Variants in CCND3 observed in about 807,000 individuals in gnomAD.
CCND3 encodes cyclin D3, also known as G1/S-specific cyclin-D3.
CCND3 carries 9 observed loss-of-function variants against 28.7 expected under a neutral mutation model. The ratio of observed to expected loss-of-function variants is 0.31; its 90% CI spans 0.19 to 0.55. The LOEUF (loss-of-function observed/expected upper bound fraction) is 0.55. CCND3 is among the 20% of genes least tolerant of loss of function. The pLI, the probability that CCND3 is intolerant of heterozygous loss-of-function variation, is 0.93. For synonymous variants in CCND3, 164 were observed against 163.9 expected, an observed-to-expected ratio of 1.00 and a Z score of 0.00; for missense variants, 315 against 385.8, an observed-to-expected ratio of 0.82 and a Z score of 1.54.
In CCND3 at chr6:42,003,061, C is replaced by T. The variant is rs1425549985; in HGVS notation, c.-46+45440G>A. 3.3e-5 allele frequency among the ~76,000 whole-genome samples: 5 copies of T among 150,154 alleles called. No homozygotes were observed. The South Asian group carries it at 6.3e-4, about 19-fold the overall frequency. On this transcript the variant is annotated intron_variant, in intron 1 of 4. Coordinates refer to the CCND3 transcript ENST00000372988. ...CCTGTAATCCCAGCTACTTGGGAGG[C>T]TGAGGCAGGAGAATCACTTGAACCT... is the stretch of plus-strand genomic sequence containing the variant.
chr6:42,049,142 T>G (rs1764647793), upstream of CCND3, among the ~76,000 whole-genome samples: 1 of 152,174 alleles, frequency 6.6e-6, no homozygotes, highest in South Asian at 2.1e-4. Flanking sequence ...TTCAAGCTAT[T>G]CTCCTGCCTC....
At chr6:42,043,604 G>A (rs1216960063) in intron 1 of CCND3, among the ~76,000 whole-genome samples, 2 of 151,706 alleles carry the variant, frequency 1.3e-5, no homozygotes, top group African/African-American at 4.8e-5. Context: ...AGGCTGAGAT[G>A]GGGAGATCAA....
chr6:42,034,482 T>TG (rs1764143143), intron 1 of CCND3, among the ~76,000 whole-genome samples: 2 of 125,502 alleles, frequency 1.6e-5, no homozygotes, highest in South Asian at 5.8e-4. Context: ...TTTTTTTTTT[T>TG]TTTTTTTTTT....
At chr6:41,958,991 C>A (rs1029179972) in intron 1 of CCND3, among the ~76,000 whole-genome samples, 1 of 152,192 alleles carries the variant, frequency 6.6e-6, no homozygotes, top group South Asian at 2.1e-4. Context: ...AAAATAAAAA[C>A]GTACATCCAC....
intron 1 of CCND3, among the ~76,000 whole-genome samples, chr6:41,997,038 G>A (rs1448481304): frequency 6.6e-6 from 1 of 152,060 alleles, no homozygotes; most frequent in African/African-American, 2.4e-5. Context: ...ATTATCAAAT[G>A]TCCCTGCCAC....
At chr6:41,973,773 TG>T (rs1012555116) in intron 1 of CCND3, among the ~76,000 whole-genome samples, 4 of 152,254 alleles carry the variant, frequency 2.6e-5, no homozygotes, top group African/African-American at 9.6e-5. Flanking sequence ...TGTACAATCA[TG>T]GACAGTTAAT....
intron 1 of CCND3, among the ~76,000 whole-genome samples, chr6:41,966,066 T>A (rs1305766831): frequency 6.6e-6 from 1 of 152,184 alleles, no homozygotes; most frequent in Non-Finnish European, 1.5e-5. Context: ...AACCTCAGTG[T>A]TCCTGCCTGT....
In CCND3 at chr6:41,935,047, T is replaced by C; in HGVS notation, c.*893A>G. On this transcript the variant is annotated 3_prime_UTR_variant, in exon 5 of 5. Transcript: ENST00000372991. ...TAGGAAAGACCTGTGTCAACAGGGC[T>C]TGCCTCCCTCTCTAGACAGGGGCTC... is the stretch of plus-strand genomic sequence containing the variant. The C allele has an allele frequency of 4.3e-6, 1 of 233,234 alleles. No homozygotes were observed. Among genetic ancestry groups the C allele is most frequent in the Non-Finnish European group, 8.5e-6 (1 of 118,028 alleles). 14.4% of individuals were successfully genotyped at this position (233,234 alleles called of 1,614,324 possible). A position where few individuals can be genotyped will look rare whatever the true frequency, so the allele number is the denominator to read the frequency against.
chr6:41,991,076 A>C (rs1319129486), intron 1 of CCND3, among the ~76,000 whole-genome samples: 1 of 147,658 alleles, frequency 6.8e-6, no homozygotes, highest in East Asian at 2.0e-4. Flanking sequence ...TTTTTTTTTT[A>C]AGGCGGAATT....
At position 41,998,570 on chromosome 6, in the gene CCND3, C is replaced by T. The variant is rs564331490; in HGVS notation, c.-46+49931G>A. 5.9e-5 allele frequency among the ~76,000 whole-genome samples: 9 copies of T among 151,876 alleles called. No individual in the cohort carries two copies. In the South Asian group the frequency reaches 1.2e-3, roughly 21 times the overall value. On this transcript the variant is annotated intron_variant, in intron 1 of 4. Transcript: ENST00000372988. ...CTCGAACTCCTGACCTCAGGTGATC[C>T]GCCTGCCTCGGTCTCCTAAAGTGCT...
intron 1 of CCND3, among the ~76,000 whole-genome samples, chr6:41,950,512 A>G (rs1317748026): frequency 6.6e-6 from 1 of 152,066 alleles, no homozygotes; most frequent in Non-Finnish European, 1.5e-5. Context: ...AACAACTCCT[A>G]TTTCATATGG....
chr6:41,997,516 A>G (rs1279086750), intron 1 of CCND3, among the ~76,000 whole-genome samples: 1 of 152,138 alleles, frequency 6.6e-6, no homozygotes, highest in Non-Finnish European at 1.5e-5. Context: ...GTAAATTATA[A>G]TGGCCTCTTC....
chr6:42,017,722 G>A (rs1410330670), intron 1 of CCND3, among the ~76,000 whole-genome samples: 1 of 148,390 alleles, frequency 6.7e-6, no homozygotes, highest in African/African-American at 2.5e-5. Flanking sequence ...AAATATGGGT[G>A]GAATGTGACA....
chr6:42,017,494 C>T (rs1320126635), intron 1 of CCND3, among the ~76,000 whole-genome samples: 1 of 152,218 alleles, frequency 6.6e-6, no homozygotes, highest in Non-Finnish European at 1.5e-5. Context: ...GTCTTGTCTC[C>T]ACAAAGGCTT....
At position 41,941,189 on chromosome 6, in the gene CCND3, T is replaced by A. The variant is rs927909247; in HGVS notation, c.198+263A>T. On this transcript the variant is annotated intron_variant, in intron 1 of 4. Transcript: ENST00000372991. The surrounding 1 kb of genome is among the most constrained non-coding windows in gnomAD (Gnocchi z 6.1). ...GTGAGAAGCCGAAGGGGAGAGAGTG[T>A]CCTTGGTCCCGTTTGCTCGGCCCGA... 4.2e-6 allele frequency: 6 copies of A among 1,441,058 alleles called. No homozygotes were observed. Among genetic ancestry groups the A allele is most frequent in the Admixed American group, 5.7e-5 (2 of 35,124 alleles). The allele number at this position is 1,441,058 out of a possible 1,614,324, so 89.3% of individuals were successfully genotyped here. A position where few individuals can be genotyped will look rare whatever the true frequency, so the allele number is the denominator to read the frequency against.
chr6:41,991,885 A>G lies in CCND3; in HGVS notation c.-45-51300T>C, dbSNP rs186820513. Among the ~76,000 whole-genome samples, 24 of 152,272 alleles carry G rather than the reference A, an allele frequency of 1.6e-4. No individual in the cohort carries two copies. In the East Asian group the frequency reaches 4.4e-3, roughly 28 times the overall value. On this transcript the variant is annotated intron_variant, in intron 1 of 4. Coordinates refer to the CCND3 transcript ENST00000372988. Reference sequence around the variant, plus strand: ...TTCCTGGTTTATCTGACTTCACATAATGTCCTCAGTTTCATCCACGGTGAC... The same window carrying G: ...TTCCTGGTTTATCTGACTTCACATAGTGTCCTCAGTTTCATCCACGGTGAC...
chr6:42,043,965 C>T (rs1764447155), intron 1 of CCND3, among the ~76,000 whole-genome samples: 1 of 152,206 alleles, frequency 6.6e-6, no homozygotes, highest in South Asian at 2.1e-4. Context: ...GAGGCCCCTT[C>T]CGGGAGATGA....
At chr6:42,029,322 T>A (rs1339221062) in intron 1 of CCND3, among the ~76,000 whole-genome samples, 1 of 152,042 alleles carries the variant, frequency 6.6e-6, no homozygotes, top group African/African-American at 2.4e-5. Flanking sequence ...GAACAAGGGC[T>A]CTGCAAACTA....
At chr6:42,017,649 T>C (rs954154984) in intron 1 of CCND3, among the ~76,000 whole-genome samples, 1 of 152,134 alleles carries the variant, frequency 6.6e-6, no homozygotes, top group Non-Finnish European at 1.5e-5. Context: ...AAGGCAGGCA[T>C]TGTGTCTCAT....
Sources: allele counts gnomAD v4.1 joint callset (sites outside exome capture counted in the v4.1 genomes callset), GRCh38; gene constraint gnomAD v4.1.1; non-coding constraint Gnocchi (gnomAD v3.1); transcripts MANE v1.5; gene names NCBI Gene and HGNC (gene_info 2026-07-23, HGNC 2026-07-21).